MTHFSD: variants seen among roughly 807,000 people sequenced by gnomAD.
MTHFSD encodes the protein methenyltetrahydrofolate synthase domain-containing protein.
In MTHFSD, 37 loss-of-function variants were observed where a neutral mutation model predicts 31.1. The observed-to-expected ratio is 1.19, with a 90% confidence interval of 0.91 to 1.56. The LOEUF (loss-of-function observed/expected upper bound fraction) is 1.56, where lower values mean the gene tolerates loss of function less well. Ranked by LOEUF, MTHFSD falls within the 40% of genes most tolerant of loss-of-function variation. The pLI is 0.00. For missense variants in MTHFSD, 664 were observed against 510.1 expected, an observed-to-expected ratio of 1.30 and a Z score of -2.91; for synonymous variants, 221 against 206.9, an observed-to-expected ratio of 1.07 and a Z score of -0.59.
rs1399294698 is a variant in MTHFSD at position 86,531,201 on chromosome 16, A to C, written c.*810T>G. ...ATTGCAAAAGCGCTTCTGTTGAGAA[A>C]GGACAGTTCAGCCAAACTCAAGCTG... On this transcript the variant is annotated 3_prime_UTR_variant, in exon 8 of 8. Coordinates refer to ENST00000360900, the MANE Select transcript of MTHFSD (RefSeq NM_001159377.2). This position sits in a 1 kb window ranked among gnomAD's most constrained non-coding sequence, Gnocchi z 5.5. 1 of 152,240 alleles carries C rather than the reference A, an allele frequency of 6.6e-6. No homozygotes were observed. Among genetic ancestry groups the C allele is most frequent in the African/African-American group, 2.4e-5 (1 of 41,456 alleles). 9.4% of individuals were successfully genotyped at this position (152,240 alleles called of 1,614,324 possible).
rs1969952993 is a variant in MTHFSD at position 86,531,069 on chromosome 16, A to G, written c.*942T>C. 6.6e-6 allele frequency: 1 copy of G among 152,222 alleles called. No individual in the cohort carries two copies. The highest frequency in any genetic ancestry group is 1.5e-5 in the Non-Finnish European group (1 of 68,044). The allele number at this position is 152,222 out of a possible 1,614,324, so 9.4% of individuals were successfully genotyped here. Reference sequence around the variant, plus strand: ...GGCATCGTAATGTGCTTCAAAGAACACTTGGTAAAACCCTCTGGCTAAAAA... The same window carrying G: ...GGCATCGTAATGTGCTTCAAAGAACGCTTGGTAAAACCCTCTGGCTAAAAA... On this transcript the variant is annotated 3_prime_UTR_variant, in exon 8 of 8. Transcript: ENST00000360900. The surrounding 1 kb of genome is among the most constrained non-coding windows in gnomAD (Gnocchi z 5.5).
chr16:86,536,850 C>T (rs1970764137), intron 7 of MTHFSD, among the ~76,000 whole-genome samples: 1 of 152,250 alleles, frequency 6.6e-6, no homozygotes, highest in African/African-American at 2.4e-5. Context: ...CACTTCCGCA[C>T]TTGGGGTTTC....
chr16:86,532,167 C>A lies in MTHFSD; in HGVS notation c.996G>T (p.Val332=). 1 of 1,571,900 alleles carries A rather than the reference C, an allele frequency of 6.4e-7. No homozygotes were observed. Among genetic ancestry groups the A allele is most frequent in the Non-Finnish European group, 8.6e-7 (1 of 1,158,512 alleles). The stretch of plus-strand genomic sequence containing the variant: ...GGCCCTGCCAGGTGAGCCGCAGGGG[C>A]ACGGAGCCGAGTTCCCGCAGGGCTC... The part of the protein sequence containing the change: ...LKRALRELGS[V]PLRLTWQGPR... The change falls in exon 8 of 8, where the codon GTG becomes GTT. Residue 332 remains valine (V), a synonymous_variant. Coordinates refer to ENST00000360900, the MANE Select transcript of MTHFSD (RefSeq NM_001159377.2).
chr16:86,552,247 T>C, intron 2 of MTHFSD, 101 bp from the exon 3 acceptor site: 1 of 1,610,376 alleles, frequency 6.2e-7, no homozygotes, highest in East Asian at 2.2e-5. Flanking sequence ...CTGGCCGTTT[T>C]GAACGCCTGC....
rs1341485058 is a variant in MTHFSD, at chr16:86,532,312, C to T, written c.851G>A (p.Gly284Glu). ...TGCCTCCATGGAATTGGTTTCTGGT[C>T]CGGGTGTGTCCGGGGGCCTCCTGCC... ...SVGRRPPDTP[G>E]PETNSMEAAP... The change falls in exon 8 of 8, where the codon GGA (glycine) becomes GAA (glutamate). Residue 284 changes from glycine (G) to glutamate (E), a missense_variant. Coordinates refer to ENST00000360900, the MANE Select transcript of MTHFSD (RefSeq NM_001159377.2). 6.3e-7 allele frequency: 1 copy of T among 1,587,490 alleles called. No homozygotes were observed.
At chr16:86,554,208 AAC>A (rs1973685291) in intron 2 of MTHFSD, among the ~76,000 whole-genome samples, 1 of 152,194 alleles carries the variant, frequency 6.6e-6, no homozygotes, top group Non-Finnish European at 1.5e-5. Flanking sequence ...TGTGAGCTGC[AAC>A]ACTCTCTGCT....
At chr16:86,548,733 A>C (rs1972704331) in intron 3 of MTHFSD, among the ~76,000 whole-genome samples, 156 bp from the exon 4 acceptor site, 1 of 152,196 alleles carries the variant, frequency 6.6e-6, no homozygotes, top group African/African-American at 2.4e-5. Context: ...TTGAAAACCT[A>C]ATTAAATAAT....
chr16:86,534,559 T>A (rs576897837), intron 7 of MTHFSD, among the ~76,000 whole-genome samples: 2 of 152,180 alleles, frequency 1.3e-5, no homozygotes, highest in Non-Finnish European at 2.9e-5. Flanking sequence ...TATTCCACCT[T>A]CTCAGAAAGT....
Position 86,554,748 on chromosome 16 carries a change from C to T in MTHFSD, c.20G>A (p.Gly7Asp). Residue 7 changes from glycine to aspartate, a missense_variant, in exon 2 of 8, where the codon GGT becomes GAT. By Grantham distance (94) the Gly-to-Asp change is moderately conservative. Coordinates refer to ENST00000360900, the MANE Select transcript of MTHFSD (RefSeq NM_001159377.2). The part of the protein sequence containing the change: MEPRAV[G>D]VSKQDIREQI... The stretch of plus-strand genomic sequence containing the variant: ...TTCACGTATGTCCTGTTTGGAGACA[C>T]CTACTGCAACAAAAGATTCCCACTT... 1 of 1,611,642 alleles carries T rather than the reference C, an allele frequency of 6.2e-7. No individual in the cohort carries two copies.
At chr16:86,553,431 A>G in intron 2 of MTHFSD, 1 of 152,752 alleles carries the variant, frequency 6.5e-6, no homozygotes, top group Non-Finnish European at 1.5e-5. Context: ...GTGTGGAGGG[A>G]GAGGCGCGGG....
intron 3 of MTHFSD, 105 bp downstream of exon 3, chr16:86,551,928 A>G: frequency 3.3e-6 from 5 of 1,524,506 alleles, no homozygotes; most frequent in Non-Finnish European, 4.4e-6. Context: ...AATCGGAAGC[A>G]CCGACTTTCT....
intron 2 of MTHFSD, among the ~76,000 whole-genome samples, 180 bp downstream of exon 2, chr16:86,554,465 G>A (rs889376255): frequency 1.6e-4 from 24 of 152,210 alleles, no homozygotes; most frequent in African/African-American, 5.3e-4. Flanking sequence ...CCCAGGTGAA[G>A]AGTAAATGAC....
intron 7 of MTHFSD, among the ~76,000 whole-genome samples, chr16:86,540,308 G>A (rs780604401): frequency 6.6e-5 from 10 of 152,204 alleles, no homozygotes; most frequent in Admixed American, 1.3e-4. Flanking sequence ...AAACAGCGAA[G>A]CCCCCGATGC....
In MTHFSD at chr16:86,548,496, T is replaced by G. The variant is rs775306975; in HGVS notation, c.319A>C (p.Lys107Gln). Residue 107 changes from lysine to glutamine, a missense_variant, in exon 4 of 8, where the codon AAA (lysine) becomes CAA (glutamine). Physicochemically the swap from Lys to Gln is moderately conservative, Grantham distance 53. Coordinates refer to ENST00000360900, the MANE Select transcript of MTHFSD (RefSeq NM_001159377.2). ...GTGGCACATTTTCTCAAGATGTCTTTAGTTGCCCCAGGGGGTGGTGTGATC... is the reference window on the plus strand; with the variant it reads ...GTGGCACATTTTCTCAAGATGTCTTGAGTTGCCCCAGGGGGTGGTGTGATC... ...NKITPPPGAT[K>Q]DILRKCATSQ... 15 of 1,614,000 alleles carry G rather than the reference T, an allele frequency of 9.3e-6. No homozygotes were observed. The South Asian group carries it at 1.5e-4, about 17-fold the overall frequency.
intron 7 of MTHFSD, among the ~76,000 whole-genome samples, chr16:86,538,273 G>C (rs564578782): frequency 6.6e-6 from 1 of 152,332 alleles, no homozygotes; most frequent in African/African-American, 2.4e-5. Flanking sequence ...CAATGGTGTG[G>C]TGGGTCTCCA....
chr16:86,534,174 C>T (rs1036781014), intron 7 of MTHFSD, among the ~76,000 whole-genome samples: 5 of 152,262 alleles, frequency 3.3e-5, no homozygotes, highest in South Asian at 2.1e-4. Flanking sequence ...AACATATCCA[C>T]GATGCGCTCT....
At chr16:86,534,666 G>A (rs776163210) in intron 7 of MTHFSD, among the ~76,000 whole-genome samples, 3 of 152,126 alleles carry the variant, frequency 2.0e-5, no homozygotes, top group Non-Finnish European at 4.4e-5. Context: ...ATTTAGTATT[G>A]AAACAGATGA....
intron 4 of MTHFSD, 40 bp from the exon 5 acceptor site, chr16:86,546,689 C>T: frequency 6.6e-7 from 1 of 1,514,062 alleles, no homozygotes; most frequent in Non-Finnish European, 9.2e-7. Flanking sequence ...TCAACTCCAG[C>T]TGCTTCCTCA....
At position 86,548,474 on chromosome 16, in the gene MTHFSD, G is replaced by A. The variant is rs889417675; in HGVS notation, c.341C>T (p.Ala114Val). 26 of 1,612,868 alleles carry A rather than the reference G, an allele frequency of 1.6e-5. No individual in the cohort carries two copies. In the Admixed American group the frequency reaches 3.7e-4, roughly 23 times the overall value. ...GATKDILRKC[A>V]TSQGVRNYSV... ...GCTTCTGGTACTTACCTGAGAGGTG[G>A]CACATTTTCTCAAGATGTCTTTAGT... The change falls in exon 4 of 8, where the codon GCC (alanine) becomes GTC (valine). Residue 114 changes from alanine to valine, a missense_variant. Physicochemically the swap from Ala to Val is moderately conservative, Grantham distance 64 (BLOSUM62 0). Coordinates refer to ENST00000360900, the MANE Select transcript of MTHFSD (RefSeq NM_001159377.2).
Sources: allele counts gnomAD v4.1 joint callset (sites outside exome capture counted in the v4.1 genomes callset), GRCh38; gene constraint gnomAD v4.1.1; non-coding constraint Gnocchi (gnomAD v3.1); transcripts MANE v1.5; gene names NCBI Gene and HGNC (gene_info 2026-07-23, HGNC 2026-07-21).